Variants in IQGAP2 observed in about 807,000 individuals in gnomAD.
IQGAP2 encodes IQ motif containing GTPase activating protein 2, also known as ras GTPase-activating-like protein IQGAP2.
In IQGAP2, 173 loss-of-function variants were observed where a neutral mutation model predicts 201.3. The ratio of observed to expected loss-of-function variants is 0.86; its 90% CI spans 0.76 to 0.98. The LOEUF (loss-of-function observed/expected upper bound fraction) is 0.98. IQGAP2 is among the 50% of genes least tolerant of loss of function. The pLI is 0.00. For synonymous variants in IQGAP2, 675 were observed against 673.9 expected (o/e 1.00, Z -0.03); for missense variants, 1,687 against 1,864.8 (o/e 0.90, Z 1.76).
chr5:76,405,653 A>G (rs970069626), intron 1 of IQGAP2, among the ~76,000 whole-genome samples: 3 of 152,188 alleles, frequency 2.0e-5, no homozygotes, highest in African/African-American at 7.2e-5. Flanking sequence ...GGCATTACCT[A>G]ACATTACCTA....
chr5:76,543,178 A>G (rs1303220188), intron 2 of IQGAP2, among the ~76,000 whole-genome samples: 2 of 152,122 alleles, frequency 1.3e-5, no homozygotes, highest in Admixed American at 6.6e-5. Flanking sequence ...CCCTCGCAGC[A>G]TGATTTGTTA....
intron 2 of IQGAP2, among the ~76,000 whole-genome samples, chr5:76,490,770 C>T (rs572378128): frequency 2.0e-5 from 3 of 151,862 alleles, no homozygotes; most frequent in Middle Eastern, 3.4e-3. Flanking sequence ...CTTTCAAACA[C>T]GAAAATACCA....
At chr5:76,645,737 T>C (rs1270711729) in intron 17 of IQGAP2, among the ~76,000 whole-genome samples, 1 of 151,782 alleles carries the variant, frequency 6.6e-6, no homozygotes, top group Non-Finnish European at 1.5e-5. Flanking sequence ...AACTCATAAA[T>C]ATAGAAGAAT....
chr5:76,514,934 A>G (rs1293177972), intron 2 of IQGAP2, among the ~76,000 whole-genome samples: 5 of 152,206 alleles, frequency 3.3e-5, no homozygotes, highest in African/African-American at 1.2e-4. Flanking sequence ...ATTAGGTGAA[A>G]TGGAAGAGAA....
chr5:76,587,903 G>A (rs774140315), intron 5 of IQGAP2, among the ~76,000 whole-genome samples: 8 of 147,816 alleles, frequency 5.4e-5, no homozygotes, highest in Non-Finnish European at 8.9e-5. Context: ...TCGAGATCAC[G>A]CCATTGCACT....
intron 1 of IQGAP2, among the ~76,000 whole-genome samples, chr5:76,406,593 GTGT>G (rs1166911564): frequency 1.3e-5 from 2 of 152,214 alleles, no homozygotes; most frequent in Non-Finnish European, 2.9e-5. Context: ...CGAATAACTT[GTGT>G]TGTTGTAATG....
At chr5:76,425,462 G>C (rs1751943301) in intron 1 of IQGAP2, among the ~76,000 whole-genome samples, 1 of 152,144 alleles carries the variant, frequency 6.6e-6, no homozygotes, top group Admixed American at 6.6e-5. Flanking sequence ...ATGGAGAAAT[G>C]CTTATTCAGG....
intron 17 of IQGAP2, among the ~76,000 whole-genome samples, chr5:76,644,957 AC>A (rs1751915097): frequency 1.3e-5 from 2 of 152,076 alleles, no homozygotes; most frequent in Admixed American, 1.3e-4. Context: ...CCATCAACCC[AC>A]CATCTAGATT....
At chr5:76,637,288 C>A in intron 16 of IQGAP2, 112 bp downstream of exon 16, 1 of 841,446 alleles carries the variant, frequency 1.2e-6, no homozygotes, top group Non-Finnish European at 1.8e-6. Flanking sequence ...TATCTGAAGT[C>A]TGGATATGTA....
intron 28 of IQGAP2, among the ~76,000 whole-genome samples, chr5:76,678,920 C>T (rs1216766376): frequency 6.6e-6 from 1 of 152,174 alleles, no homozygotes; most frequent in Non-Finnish European, 1.5e-5. Context: ...ACTTCCCTGA[C>T]ATTTACATCA....
At chr5:76,421,146 A>G (rs928650164) in intron 1 of IQGAP2, among the ~76,000 whole-genome samples, 1 of 152,214 alleles carries the variant, frequency 6.6e-6, no homozygotes, top group African/African-American at 2.4e-5. Context: ...TTGTATACCT[A>G]TCACTTTTTA....
At chr5:76,566,895 G>T (rs188484737) in intron 3 of IQGAP2, among the ~76,000 whole-genome samples, 4 of 152,062 alleles carry the variant, frequency 2.6e-5, no homozygotes, top group Admixed American at 6.5e-5. Context: ...GGCCAGGAAG[G>T]TTTCCATGGT....
chr5:76,694,937 C>A (rs1370971511), intron 31 of IQGAP2, among the ~76,000 whole-genome samples: 3 of 152,154 alleles, frequency 2.0e-5, no homozygotes, highest in Admixed American at 1.3e-4. Context: ...CTCAAAGAAA[C>A]TTTGCAAGTT....
chr5:76,701,781 C>T, intron 34 of IQGAP2: 1 of 152,740 alleles, frequency 6.5e-6, no homozygotes, highest in Non-Finnish European at 1.5e-5. Flanking sequence ...TCCTGCCTTC[C>T]TTCAAAGCCT....
chr5:76,527,190 G>A (rs768186748), intron 2 of IQGAP2, among the ~76,000 whole-genome samples: 4 of 152,182 alleles, frequency 2.6e-5, no homozygotes, highest in Non-Finnish European at 5.9e-5. Flanking sequence ...AAACAAACTG[G>A]AAGTAATGCA....
chr5:76,462,898 C>T (rs1754548846), intron 2 of IQGAP2, among the ~76,000 whole-genome samples: 1 of 152,012 alleles, frequency 6.6e-6, no homozygotes, highest in Non-Finnish European at 1.5e-5. Flanking sequence ...TTGCAGGATG[C>T]TAGCGATTCA....
chr5:76,660,589 AAC>A (rs1304517418), intron 21 of IQGAP2, among the ~76,000 whole-genome samples: 4 of 152,244 alleles, frequency 2.6e-5, no homozygotes, highest in Admixed American at 2.6e-4. Context: ...ATCTTTTGGA[AAC>A]ACAATCATGG....
At chr5:76,601,365 G>A (rs555991389) in intron 11 of IQGAP2, among the ~76,000 whole-genome samples, 3 of 152,252 alleles carry the variant, frequency 2.0e-5, no homozygotes, top group South Asian at 4.1e-4. Context: ...AACAGAATCC[G>A]GGTTATGGAC....
intron 2 of IQGAP2, among the ~76,000 whole-genome samples, chr5:76,474,413 A>T (rs1755292851): frequency 6.6e-6 from 1 of 152,072 alleles, no homozygotes; most frequent in Non-Finnish European, 1.5e-5. Context: ...GGTTTGGGGG[A>T]ATTAGCCATT....
Sources: allele counts gnomAD v4.1 joint callset (sites outside exome capture counted in the v4.1 genomes callset), GRCh38; gene constraint gnomAD v4.1.1; transcripts MANE v1.5; gene names NCBI Gene and HGNC (gene_info 2026-07-23, HGNC 2026-07-21).